Variants in SLC16A6 observed in about 807,000 individuals in gnomAD.
SLC16A6 encodes solute carrier family 16 member 6.
In SLC16A6, 15 loss-of-function variants were observed where a neutral mutation model predicts 33.8. That is an observed-to-expected ratio of 0.44 (90% CI 0.30 to 0.68). The LOEUF is 0.68. Ranked by LOEUF, SLC16A6 falls within the 30% of genes least tolerant of loss-of-function variation. The pLI, the probability that SLC16A6 is intolerant of heterozygous loss-of-function variation, is 0.10. For missense variants in SLC16A6, 451 were observed against 661.5 expected, an observed-to-expected ratio of 0.68 and a Z score of 3.49; for synonymous variants, 219 against 248.4, an observed-to-expected ratio of 0.88 and a Z score of 1.11.
At position 68,271,370 on chromosome 17, in the gene SLC16A6, C is replaced by T. The variant is rs569854171; in HGVS notation, c.790G>A (p.Asp264Asn). ...HTNLELEPKA[D>N]MQQVLVKTSP... ...GTCTTCACCAGGACCTGCTGCATGTCGGCCTTCGGCTCCAGTTCCAGGTTA... is the reference window on the plus strand; with the variant it reads ...GTCTTCACCAGGACCTGCTGCATGTTGGCCTTCGGCTCCAGTTCCAGGTTA... The change falls in exon 5 of 6, where the codon GAC becomes AAC. Residue 264 changes from aspartate (D) to asparagine (N), a missense_variant. This residue lies in a region of SLC16A6 where 405 missense variants were observed against 510.7 expected (regional missense o/e 0.79). Coordinates refer to ENST00000580666, the MANE Select transcript of SLC16A6 (RefSeq NM_004694.5). The surrounding 1 kb of genome is among the most constrained non-coding windows in gnomAD (Gnocchi z 5.3). The T allele has an allele frequency of 5.0e-6, 8 of 1,614,242 alleles. No homozygotes were observed. Among genetic ancestry groups the T allele is most frequent in the African/African-American group, 4.0e-5 (3 of 75,062 alleles).
chr17:68,275,297 G>C (rs1422994840), intron 2 of SLC16A6, among the ~76,000 whole-genome samples: 1 of 152,098 alleles, frequency 6.6e-6, no homozygotes, highest in African/African-American at 2.4e-5. Context: ...ATTGAGAGTT[G>C]GGTCAAGGAA....
At chr17:68,283,522 GA>G (rs368039909) in intron 1 of SLC16A6, among the ~76,000 whole-genome samples, 138 of 112,118 alleles carry the variant, frequency 1.2e-3, no homozygotes, top group Admixed American at 1.8e-3. Context: ...CTCCGTATCA[GA>G]AAAAAAAAAA....
At chr17:68,272,320 T>G (rs1379691548) in intron 4 of SLC16A6, among the ~76,000 whole-genome samples, 2 of 152,218 alleles carry the variant, frequency 1.3e-5, no homozygotes, top group African/African-American at 4.8e-5. Flanking sequence ...TGAATGTAGC[T>G]CTTTTGAAAA....
At chr17:68,284,085 T>C (rs1555753702) in intron 1 of SLC16A6, among the ~76,000 whole-genome samples, 1 of 115,016 alleles carries the variant, frequency 8.7e-6, no homozygotes, top group Non-Finnish European at 1.6e-5. Context: ...AATAGAGCAA[T>C]AGAGTGAGAC....
chr17:68,290,330 TAAAAA>T (rs2075942874), intron 1 of SLC16A6, among the ~76,000 whole-genome samples: 2 of 152,140 alleles, frequency 1.3e-5, no homozygotes, highest in South Asian at 4.1e-4. Flanking sequence ...GTGGGGGGAA[TAAAAA>T]GAAAAGACGA....
intron 1 of SLC16A6, among the ~76,000 whole-genome samples, chr17:68,283,446 G>A (rs2075761814): frequency 1.3e-5 from 2 of 151,668 alleles, no homozygotes; most frequent in East Asian, 1.9e-4. Context: ...GCGTGAACCC[G>A]GGAGGCGGAG....
Position 68,278,139 on chromosome 17 carries a change from C to CT in SLC16A6, c.181dup (p.Ser61LysfsTer72). On this transcript the variant is annotated frameshift_variant, in exon 2 of 6. Coordinates refer to ENST00000580666, the MANE Select transcript of SLC16A6 (RefSeq NM_004694.5). LOFTEE classifies it high-confidence loss of function. The stretch of plus-strand genomic sequence containing the variant: ...GATTGAGATTATCCATGAGATCCTG[C>CT]TATTGGATTCATTAAAACTGTCCAT... The CT allele has an allele frequency of 6.2e-7, 1 of 1,614,140 alleles. No homozygotes were observed. Among genetic ancestry groups the CT allele is most frequent in the Non-Finnish European group, 8.5e-7 (1 of 1,180,010 alleles).
intron 3 of SLC16A6, 38 bp downstream of exon 3, chr17:68,273,873 TTGTTCTTCAAACTAAG>T: frequency 6.3e-7 from 1 of 1,584,156 alleles, no homozygotes; most frequent in Non-Finnish European, 8.6e-7. Context: ...TTCCCCTTCC[TTGTTCTTCAAACTAAG>T]TGTCTAGACA....
intron 5 of SLC16A6, among the ~76,000 whole-genome samples, chr17:68,270,283 C>T (rs1302023907): frequency 3.9e-5 from 6 of 152,052 alleles, no homozygotes; most frequent in Admixed American, 6.6e-5. Flanking sequence ...TTGGCGGGTG[C>T]GGTGGCTCAC....
intron 1 of SLC16A6, among the ~76,000 whole-genome samples, chr17:68,288,177 T>G (rs2075887529): frequency 6.6e-6 from 1 of 151,914 alleles, no homozygotes; most frequent in African/African-American, 2.4e-5. Flanking sequence ...TTTTTTTGTA[T>G]TTTTAGTAGA....
intron 2 of SLC16A6, among the ~76,000 whole-genome samples, chr17:68,277,425 C>T (rs57917517): frequency 0.015 from 2,342 of 151,600 alleles, 57 homozygotes; most frequent in African/African-American, 0.054. Context: ...CCACCGCGCC[C>T]GGCCGCAACT....
At chr17:68,284,649 TTACTC>T (rs534312785) in intron 1 of SLC16A6, among the ~76,000 whole-genome samples, 1 of 152,192 alleles carries the variant, frequency 6.6e-6, no homozygotes, top group African/African-American at 2.4e-5. Flanking sequence ...TGTTCTGAAT[TTACTC>T]TACAAATCTT....
rs1246927775 is a variant in SLC16A6, at chr17:68,267,677, A to G, written c.*1419T>C. 6.6e-6 allele frequency: 1 copy of G among 152,206 alleles called. No individual in the cohort carries two copies. Among genetic ancestry groups the G allele is most frequent in the Non-Finnish European group, 1.5e-5 (1 of 68,028 alleles). The allele number at this position is 152,206 out of a possible 1,614,324, so 9.4% of individuals were successfully genotyped here. On this transcript the variant is annotated 3_prime_UTR_variant, in exon 6 of 6. Coordinates refer to ENST00000580666, the MANE Select transcript of SLC16A6 (RefSeq NM_004694.5). ...AAATAGGTGAGTAAAAAGTCCACCTATTATCCTGACACTTGCCCTCCTTAC... is the reference window on the plus strand; with the variant it reads ...AAATAGGTGAGTAAAAAGTCCACCTGTTATCCTGACACTTGCCCTCCTTAC...
At chr17:68,272,985 CTT>C (rs879965781) in intron 3 of SLC16A6, among the ~76,000 whole-genome samples, 3 of 144,622 alleles carry the variant, frequency 2.1e-5, no homozygotes, top group Admixed American at 7.0e-5. Flanking sequence ...AAAAATATAA[CTT>C]TTTTTTTTTT....
intron 4 of SLC16A6, among the ~76,000 whole-genome samples, chr17:68,272,106 TTG>T (rs2075361277): frequency 6.6e-6 from 1 of 152,116 alleles, no homozygotes; most frequent in East Asian, 1.9e-4. Context: ...TGGCCTTTTT[TTG>T]TGTGTTTTAA....
chr17:68,284,624 A>G (rs1020159314), intron 1 of SLC16A6, among the ~76,000 whole-genome samples: 1 of 152,188 alleles, frequency 6.6e-6, no homozygotes, highest in Non-Finnish European at 1.5e-5. Context: ...CTGGTTTTCT[A>G]TTTTTAAAAT....
chr17:68,289,546 T>C (rs1052176864), intron 1 of SLC16A6, among the ~76,000 whole-genome samples: 4 of 152,208 alleles, frequency 2.6e-5, no homozygotes, highest in Non-Finnish European at 4.4e-5. Context: ...CTCTTCTTCT[T>C]AAAGGCGTAG....
intron 2 of SLC16A6, chr17:68,274,342 T>A: frequency 3.8e-6 from 1 of 263,576 alleles, no homozygotes; most frequent in East Asian, 7.3e-5. Flanking sequence ...GGTGTGCACC[T>A]GTAGTCCCAG....
At chr17:68,270,234 C>T (rs1203094711) in intron 5 of SLC16A6, among the ~76,000 whole-genome samples, 1 of 152,078 alleles carries the variant, frequency 6.6e-6, no homozygotes, top group Admixed American at 6.6e-5. Flanking sequence ...GAGTTCTTGC[C>T]TAGCATGAGA....
Sources: allele counts gnomAD v4.1 joint callset (sites outside exome capture counted in the v4.1 genomes callset), GRCh38; gene constraint gnomAD v4.1.1; regional missense constraint gnomAD v4.1.1; non-coding constraint Gnocchi (gnomAD v3.1); transcripts MANE v1.5; gene names NCBI Gene and HGNC (gene_info 2026-07-23, HGNC 2026-07-21).